HLCS: variants seen among roughly 807,000 people sequenced by gnomAD.
HLCS encodes the protein holocarboxylase synthetase, also known as biotin--protein ligase.
Under a neutral mutation model 75.0 loss-of-function variants are expected in HLCS, and 53 were observed. That is an observed-to-expected ratio of 0.71 (90% CI 0.57 to 0.89). HLCS has a LOEUF of 0.89. HLCS is among the 40% of genes least tolerant of loss of function. The pLI is 0.00. For synonymous variants in HLCS, 431 were observed against 428.6 expected, an observed-to-expected ratio of 1.01 and a Z score of -0.07; for missense variants, 966 against 1,074.0, an observed-to-expected ratio of 0.90 and a Z score of 1.41.
intron 5 of HLCS, among the ~76,000 whole-genome samples, chr21:36,914,707 G>C (rs1158951053): frequency 6.6e-6 from 1 of 152,258 alleles, no homozygotes; most frequent in African/African-American, 2.4e-5. Context: ...AGAGACCAAA[G>C]AGAAAGCCAG....
chr21:36,763,271 A>C (rs2089916447), intron 8 of HLCS, among the ~76,000 whole-genome samples: 1 of 151,794 alleles, frequency 6.6e-6, no homozygotes, highest in African/African-American at 2.4e-5. Flanking sequence ...CAACCTCCCA[A>C]AGTGCTGGGA....
At chr21:36,945,289 T>C (rs1409852606) in intron 2 of HLCS, among the ~76,000 whole-genome samples, 1 of 151,574 alleles carries the variant, frequency 6.6e-6, no homozygotes, top group African/African-American at 2.4e-5. Context: ...ACTAAAAAAA[T>C]ACTTTCATGG....
chr21:36,793,601 G>C (rs1429401078), intron 6 of HLCS, among the ~76,000 whole-genome samples: 1 of 152,072 alleles, frequency 6.6e-6, no homozygotes, highest in Non-Finnish European at 1.5e-5. Context: ...CGCCCAGCCA[G>C]GATGCAATCT....
intron 5 of HLCS, among the ~76,000 whole-genome samples, chr21:36,917,736 A>T (rs1224018972): frequency 1.3e-5 from 2 of 152,106 alleles, no homozygotes; most frequent in Non-Finnish European, 2.9e-5. Flanking sequence ...CAGCCTCACC[A>T]TTCTGACAGC....
intron 6 of HLCS, among the ~76,000 whole-genome samples, chr21:36,780,323 A>G (rs1469026367): frequency 1.3e-5 from 2 of 151,876 alleles, no homozygotes; most frequent in African/African-American, 2.4e-5. Context: ...GGTTCACACC[A>G]TTCTCCTGCC....
At chr21:36,910,923 C>T (rs918397945) in intron 5 of HLCS, among the ~76,000 whole-genome samples, 7 of 152,108 alleles carry the variant, frequency 4.6e-5, no homozygotes, top group Non-Finnish European at 7.3e-5. Flanking sequence ...CACACAAAAG[C>T]GAACGGCTCT....
At chr21:36,989,488 C>T (rs554453663) in intron 1 of HLCS, among the ~76,000 whole-genome samples, 113 of 151,132 alleles carry the variant, frequency 7.5e-4, no homozygotes, top group African/African-American at 2.6e-3. Context: ...GCAGCACGAC[C>T]GACTAATTTT....
chr21:36,968,356 C>T (rs762376), upstream of HLCS, among the ~76,000 whole-genome samples: 61,974 of 151,758 alleles, frequency 0.41, 13,339 homozygotes, highest in South Asian at 0.53. Context: ...CTGCATAGAA[C>T]ACCCACTCCC....
At chr21:36,860,541 G>A (rs2063350900) in intron 6 of HLCS, among the ~76,000 whole-genome samples, 1 of 152,154 alleles carries the variant, frequency 6.6e-6, no homozygotes. Flanking sequence ...TAATTGAAAT[G>A]CACTGTAATT....
At chr21:36,888,865 A>T (rs746177529) in intron 6 of HLCS, among the ~76,000 whole-genome samples, 9 of 152,128 alleles carry the variant, frequency 5.9e-5, no homozygotes, top group Non-Finnish European at 1.0e-4. Flanking sequence ...GCTCTACAGC[A>T]TCAGAAACAA....
chr21:36,809,783 G>C (rs2061458869), intron 6 of HLCS, among the ~76,000 whole-genome samples: 3 of 152,174 alleles, frequency 2.0e-5, no homozygotes, highest in African/African-American at 7.2e-5. Flanking sequence ...CTGTCACCCA[G>C]GCTGGAGTGC....
intron 6 of HLCS, among the ~76,000 whole-genome samples, chr21:36,812,378 A>G (rs565145768): frequency 3.9e-5 from 6 of 152,276 alleles, no homozygotes; most frequent in East Asian, 1.9e-4. Context: ...AATGCCCCCT[A>G]TCCTTTCTGT....
At position 36,837,581 on chromosome 21, in the gene HLCS, C is replaced by G. The variant is rs143851753; in HGVS notation, c.1892+59279G>C. Among the ~76,000 whole-genome samples the G allele has an allele frequency of 2.2e-3, 339 of 152,174 alleles. 1 individual carries two copies. Among genetic ancestry groups the G allele is most frequent in the African/African-American group, 7.6e-3 (317 of 41,504 alleles). On this transcript the variant is annotated intron_variant, in intron 6 of 10. Transcript: ENST00000674895. ...ATCTAGTGGGTACTATTATCTATAA[C>G]TCTTTAATATCAAACTCACAAAATT...
chr21:36,880,479 A>G (rs2064161090), intron 6 of HLCS, among the ~76,000 whole-genome samples: 1 of 152,158 alleles, frequency 6.6e-6, no homozygotes, highest in Non-Finnish European at 1.5e-5. Context: ...TATTACCTCA[A>G]TGGGCATCAC....
chr21:36,806,181 G>A (rs1357869496), intron 6 of HLCS: 1 of 152,228 alleles, frequency 6.6e-6, no homozygotes, highest in Admixed American at 6.5e-5. Context: ...CGAGTCCAGA[G>A]GTATCGCCAT....
chr21:36,884,099 C>T (rs1164510353), intron 6 of HLCS, among the ~76,000 whole-genome samples: 4 of 152,228 alleles, frequency 2.6e-5, no homozygotes, highest in Non-Finnish European at 4.4e-5. Flanking sequence ...GGTTCCAAGG[C>T]CTAAGTAAAC....
chr21:36,881,464 G>A (rs1182490389), intron 6 of HLCS, among the ~76,000 whole-genome samples: 1 of 152,148 alleles, frequency 6.6e-6, no homozygotes, highest in East Asian at 1.9e-4. Flanking sequence ...TGGGAAGCTG[G>A]GAAGCACGGA....
chr21:36,973,972 C>T (rs924285737), intron 1 of HLCS: 4 of 151,876 alleles, frequency 2.6e-5, no homozygotes, highest in Non-Finnish European at 5.9e-5. Flanking sequence ...GCCTGGGCAA[C>T]AAGAGTGAAA....
intron 6 of HLCS, among the ~76,000 whole-genome samples, chr21:36,816,937 A>G (rs1004397594): frequency 1.3e-5 from 2 of 152,226 alleles, no homozygotes; most frequent in African/African-American, 4.8e-5. Flanking sequence ...AAAGGATCAG[A>G]GGAGTCAGCT....
Sources: gnomAD v4.1 joint callset for allele counts (sites outside exome capture counted in the v4.1 genomes callset) on GRCh38, gnomAD v4.1.1 for gene constraint, MANE v1.5 for transcripts, NCBI Gene and HGNC (gene_info 2026-07-23, HGNC 2026-07-21) for gene names.